Variants in LHX4 observed in about 807,000 individuals in gnomAD.
LHX4 encodes the protein LIM homeobox 4, also known as LIM/homeobox protein Lhx4.
In LHX4, 16 loss-of-function variants were observed where a neutral mutation model predicts 39.2. The observed-to-expected ratio is 0.41, with a 90% CI of 0.28 to 0.62. The LOEUF is 0.62. LHX4 is among the 20% of genes least tolerant of loss of function. The probability of loss-of-function intolerance (pLI) is 0.33; values close to 1 mark genes in which losing one functional copy is unlikely to be tolerated. For missense variants in LHX4, 439 were observed against 511.9 expected, an observed-to-expected ratio of 0.86 and a Z score of 1.37; for synonymous variants, 206 against 198.1, an observed-to-expected ratio of 1.04 and a Z score of -0.33.
chr1:180,229,691 G>A (rs1253314284), upstream of LHX4, among the ~76,000 whole-genome samples: 1 of 151,874 alleles, frequency 6.6e-6, no homozygotes, highest in Admixed American at 6.5e-5. Flanking sequence ...GCCGGGGACC[G>A]AGAGCGCGCA....
At chr1:180,247,047 TCTTAATA>T (rs1482960168) in intron 1 of LHX4, among the ~76,000 whole-genome samples, 2 of 152,200 alleles carry the variant, frequency 1.3e-5, no homozygotes, top group Non-Finnish European at 2.9e-5. Flanking sequence ...TTGTTTTTCT[TCTTAATA>T]CTTGTTGATT....
At chr1:180,251,496 G>T (rs971204097) in intron 2 of LHX4, among the ~76,000 whole-genome samples, 4 of 152,290 alleles carry the variant, frequency 2.6e-5, no homozygotes, top group African/African-American at 9.6e-5. Context: ...TCGTGTGCCT[G>T]GTTTATCTTC....
intron 1 of LHX4, among the ~76,000 whole-genome samples, chr1:180,233,990 G>A (rs1664242635): frequency 6.6e-6 from 1 of 151,270 alleles, no homozygotes; most frequent in Admixed American, 6.6e-5. Flanking sequence ...CGCAGGTCGA[G>A]TTGCAGATCC....
upstream of LHX4, among the ~76,000 whole-genome samples, chr1:180,228,804 T>C (rs2149249567): frequency 6.6e-6 from 1 of 152,252 alleles, no homozygotes; most frequent in East Asian, 1.9e-4. Flanking sequence ...CAGGTGTCCC[T>C]TGTTTGGAGA....
intron 1 of LHX4, among the ~76,000 whole-genome samples, chr1:180,245,475 C>T (rs951974240): frequency 6.6e-6 from 1 of 152,216 alleles, no homozygotes; most frequent in Non-Finnish European, 1.5e-5. Context: ...ACAGGCATGG[C>T]CCCAAGCCGC....
chr1:180,239,304 C>A (rs936450738), intron 1 of LHX4, among the ~76,000 whole-genome samples: 1 of 152,210 alleles, frequency 6.6e-6, no homozygotes. Flanking sequence ...ACTCAGGGAA[C>A]CTGAGGCAAC....
intron 2 of LHX4, among the ~76,000 whole-genome samples, chr1:180,260,361 T>C (rs1648064316): frequency 6.6e-6 from 1 of 151,796 alleles, no homozygotes; most frequent in Non-Finnish European, 1.5e-5. Flanking sequence ...CCCCTGGTTC[T>C]AGAAGGCTCG....
At chr1:180,249,842 T>C (rs1647533575) in intron 2 of LHX4, among the ~76,000 whole-genome samples, 1 of 152,084 alleles carries the variant, frequency 6.6e-6, no homozygotes, top group Non-Finnish European at 1.5e-5. Context: ...ACCACGGTAC[T>C]TTGCTCAGAT....
At chr1:180,270,978 A>G in intron 3 of LHX4, 1 of 310,218 alleles carries the variant, frequency 3.2e-6, no homozygotes, top group East Asian at 8.3e-5. Context: ...ATCTGGGGCG[A>G]CTTTGAACAT....
At position 180,277,730 on chromosome 1, in the gene LHX4, T is replaced by C. The variant is rs1649119695; in HGVS notation, c.*3151T>C. The stretch of plus-strand genomic sequence containing the variant: ...GTCTTTGTGCTTTCTCTTTCTTGTC[T>C]CATCTGACAGTTATGAATATAACGT... On this transcript the variant is annotated 3_prime_UTR_variant, in exon 6 of 6. Transcript: ENST00000263726. 1 of 152,320 alleles carries C rather than the reference T, an allele frequency of 6.6e-6. No homozygotes were observed. Among genetic ancestry groups the C allele is most frequent in the Admixed American group, 6.5e-5 (1 of 15,300 alleles). The allele number at this position is 152,320 out of a possible 1,614,324, so 9.4% of individuals were successfully genotyped here. A position where few individuals can be genotyped will look rare whatever the true frequency, so the allele number is the denominator to read the frequency against.
intron 2 of LHX4, among the ~76,000 whole-genome samples, chr1:180,258,128 C>G (rs1340335752): frequency 6.6e-6 from 1 of 152,200 alleles, no homozygotes; most frequent in Non-Finnish European, 1.5e-5. Flanking sequence ...AACTTGCCTT[C>G]TAGAGAGGGG....
At chr1:180,270,263 T>A (rs560766378) in intron 3 of LHX4, 1 of 152,364 alleles carries the variant, frequency 6.6e-6, no homozygotes, top group African/African-American at 2.4e-5. Context: ...CTACTATTGT[T>A]TCTAAGAGAG....
rs1272287832 is a variant in LHX4, at chr1:180,277,311, C to T, written c.*2732C>T. On this transcript the variant is annotated 3_prime_UTR_variant, in exon 6 of 6. Transcript: ENST00000263726. ...ACTTTTAGCTTCTCTTAGAGGCACT[C>T]CTCTGTTGCTTGGAAGTCTATTATG... The T allele has an allele frequency of 6.6e-6, 1 of 152,202 alleles. No individual in the cohort carries two copies. Among genetic ancestry groups the T allele is most frequent in the Non-Finnish European group, 1.5e-5 (1 of 68,048 alleles). The allele number at this position is 152,202 out of a possible 1,614,324, so 9.4% of individuals were successfully genotyped here. A position where few individuals can be genotyped will look rare whatever the true frequency, so the allele number is the denominator to read the frequency against.
Position 180,266,325 on chromosome 1 carries a change from A to G in LHX4, c.249-67A>G. 1 of 1,524,780 alleles carries G rather than the reference A, an allele frequency of 6.6e-7. No homozygotes were observed. The highest frequency in any genetic ancestry group is 1.4e-5 in the African/African-American group (1 of 73,216). 94.5% of individuals were successfully genotyped at this position (1,524,780 alleles called of 1,614,324 possible). On this transcript the variant is annotated intron_variant, in intron 2 of 5. Transcript: ENST00000263726. The surrounding 1 kb of genome is among the most constrained non-coding windows in gnomAD (Gnocchi z 5.7). ...GGTGGGGTAGGAGGGAGGCTGCTCC[A>G]GGAAGTTGGGGGAAGCCAGATCCCT...
At chr1:180,231,093 C>A (rs550381918) in intron 1 of LHX4, among the ~76,000 whole-genome samples, 4 of 152,162 alleles carry the variant, frequency 2.6e-5, no homozygotes, top group Admixed American at 2.6e-4. Context: ...TTAGTCCCTG[C>A]GGCCCGCGCC....
In LHX4 at chr1:180,277,157, G is replaced by C. The variant is rs903244043; in HGVS notation, c.*2578G>C. 4.6e-5 allele frequency: 7 copies of C among 152,164 alleles called. No homozygotes were observed. The highest frequency in any genetic ancestry group is 3.8e-4 in the East Asian group (2 of 5,196). The allele number at this position is 152,164 out of a possible 1,614,324, so 9.4% of individuals were successfully genotyped here. On this transcript the variant is annotated 3_prime_UTR_variant, in exon 6 of 6. Coordinates refer to ENST00000263726, the MANE Select transcript of LHX4 (RefSeq NM_033343.4). Reference sequence around the variant, plus strand: ...CCTGTTTAGAAGCACAGCCACAGTAGGTCTAAGATTTTAAATGGATCTCCC... The same window carrying C: ...CCTGTTTAGAAGCACAGCCACAGTACGTCTAAGATTTTAAATGGATCTCCC...
At chr1:180,258,482 A>G (rs1267486884) in intron 2 of LHX4, among the ~76,000 whole-genome samples, 1 of 152,158 alleles carries the variant, frequency 6.6e-6, no homozygotes, top group Non-Finnish European at 1.5e-5. Flanking sequence ...GGGGAGGGCG[A>G]GGGTGTGACT....
chr1:180,247,861 G>A (rs908215287), intron 1 of LHX4, among the ~76,000 whole-genome samples: 1 of 152,174 alleles, frequency 6.6e-6, no homozygotes, highest in African/African-American at 2.4e-5. Context: ...GGCTCACTTT[G>A]GGGGCTGATG....
rs764459002 is a variant in LHX4 at position 180,266,574 on chromosome 1, A to G, written c.431A>G (p.Tyr144Cys). The G allele has an allele frequency of 6.2e-7, 1 of 1,614,094 alleles. No homozygotes were observed. ...GGGCGGCTGGTGTGCAAGGAAGACT[A>G]CGAGACAGCCAAGCAGAACGGTAAG... Reference protein sequence around the residue: ...EDGRLVCKEDYETAKQNDDSE... With the variant: ...EDGRLVCKEDCETAKQNDDSE... Residue 144 changes from tyrosine (Y) to cysteine (C), a missense_variant, in exon 3 of 6, where the codon TAC becomes TGC. Transcript: ENST00000263726. The surrounding 1 kb of genome is among the most constrained non-coding windows in gnomAD (Gnocchi z 5.7).
Sources: gnomAD v4.1 joint callset for allele counts (sites outside exome capture counted in the v4.1 genomes callset) on GRCh38, gnomAD v4.1.1 for gene constraint, Gnocchi (gnomAD v3.1) non-coding constraint, MANE v1.5 for transcripts, NCBI Gene and HGNC (gene_info 2026-07-23, HGNC 2026-07-21) for gene names.